The following MED25 variants were observed in gnomAD, a reference collection of about 807,000 sequenced individuals.
The protein encoded by MED25 is mediator of RNA polymerase II transcription subunit 25.
In MED25, 62 loss-of-function variants were observed where a neutral mutation model predicts 89.4. That is an observed-to-expected ratio of 0.69 (90% CI 0.57 to 0.86). The LOEUF (loss-of-function observed/expected upper bound fraction) is 0.86, where lower values mean the gene tolerates loss of function less well. Ranked by LOEUF, MED25 falls within the 40% of genes least tolerant of loss-of-function variation. The probability of loss-of-function intolerance (pLI) is 0.00; values close to 1 mark genes in which losing one functional copy is unlikely to be tolerated. For synonymous variants in MED25, 449 were observed against 427.9 expected (o/e 1.05, Z -0.61); for missense variants, 905 against 1,005.2 (o/e 0.90, Z 1.35).
intron 3 of MED25, among the ~76,000 whole-genome samples, chr19:49,820,145 C>A (rs965858223): frequency 1.3e-5 from 2 of 152,072 alleles, no homozygotes; most frequent in Non-Finnish European, 2.9e-5. Flanking sequence ...TTCAGGACGA[C>A]AGGAGAGAGC....
intron 3 of MED25, among the ~76,000 whole-genome samples, chr19:49,820,258 A>G (rs1360468723): frequency 6.6e-6 from 1 of 152,204 alleles, no homozygotes; most frequent in Non-Finnish European, 1.5e-5. Flanking sequence ...ACTTTTATAC[A>G]CACTTCACAA....
Position 49,830,846 on chromosome 19 carries a change from T to C in MED25, c.1060T>C (p.Ser354Pro), listed in dbSNP as rs2123880302. The C allele has an allele frequency of 2.5e-6, 4 of 1,612,142 alleles. No individual in the cohort carries two copies. Among genetic ancestry groups the C allele is most frequent in the Non-Finnish European group, 3.4e-6 (4 of 1,179,784 alleles). ...TCTGGTCTCCACTGTGGCCCCTGGC[T>C]CCGGCCTGGCTCCCACGGCACAGCC... ...PSLVSTVAPG[S>P]GLAPTAQPGA... Residue 354 changes from serine (S) to proline (P), a missense_variant, in exon 9 of 18, where the codon TCC becomes CCC. Physicochemically the swap from Ser to Pro is moderately conservative, Grantham distance 74 (BLOSUM62 -1). Coordinates refer to ENST00000312865, the MANE Select transcript of MED25 (RefSeq NM_030973.4). The surrounding 1 kb of genome is among the most constrained non-coding windows in gnomAD (Gnocchi z 4.6).
In MED25 at chr19:49,818,345, G is replaced by C. The variant is rs780512266; in HGVS notation, c.4G>C (p.Val2Leu). Reference protein sequence around the residue: MVPGSEGPARAG... With the variant: MLPGSEGPARAG... ...GGTGGCGGGTACCGCACGGGGTATG[G>C]TCCCCGGGTCCGAGGGCCCGGCCCG... The change falls in exon 1 of 18, where the codon GTC becomes CTC. Residue 2 changes from valine to leucine, a missense_variant. Coordinates refer to ENST00000312865, the MANE Select transcript of MED25 (RefSeq NM_030973.4). 3.1e-5 allele frequency: 49 copies of C among 1,588,624 alleles called. No homozygotes were observed. Among genetic ancestry groups the C allele is most frequent in the Middle Eastern group, 3.5e-4 (2 of 5,788 alleles).
rs79628633 is a variant in MED25, at chr19:49,834,765, C to T, written c.1483-221C>T. ...GAGCTGGGCTCCAGCACTTTCTCTC[C>T]GCTTTCCCTCTCAGTGGGCAGCTGG... On this transcript the variant is annotated intron_variant, in intron 13 of 17. Coordinates refer to ENST00000312865, the MANE Select transcript of MED25 (RefSeq NM_030973.4). This position sits in a 1 kb window ranked among gnomAD's most constrained non-coding sequence, Gnocchi z 4.1. 2,862 of 589,644 alleles carry T rather than the reference C, an allele frequency of 4.9e-3. 69 individuals carry two copies. The highest frequency in any genetic ancestry group is 0.048 in the African/African-American group (2,574 of 53,732). 36.5% of individuals were successfully genotyped at this position (589,644 alleles called of 1,614,324 possible).
Position 49,832,034 on chromosome 19 carries a change from CAG to C in MED25, c.1316+14_1316+15del, listed in dbSNP as rs1411648997. The C allele has an allele frequency of 8.1e-6, 13 of 1,613,458 alleles. No homozygotes were observed. The highest frequency in any genetic ancestry group is 1.3e-5 in the African/African-American group (1 of 74,866). On this transcript the variant is annotated intron_variant, in intron 11 of 17. Coordinates refer to ENST00000312865, the MANE Select transcript of MED25 (RefSeq NM_030973.4). The stretch of plus-strand genomic sequence containing the variant: ...ATGGCGAGAACCTGTAGGTGACAGT[CAG>C]GGGCGGGGTGTGGTGGGGCTGGGGC...
intron 3 of MED25, among the ~76,000 whole-genome samples, chr19:49,822,262 CAAAAAAAAAAAA>C (rs1220883878): frequency 1.0e-4 from 5 of 48,932 alleles, no homozygotes; most frequent in Admixed American, 4.7e-4. Flanking sequence ...GACTCTGTCT[CAAAAAAAAAAAA>C]AAAAAAAAAA....
At chr19:49,823,384 C>T (rs1273413988) in intron 3 of MED25, among the ~76,000 whole-genome samples, 1 of 152,114 alleles carries the variant, frequency 6.6e-6, no homozygotes, top group Non-Finnish European at 1.5e-5. Flanking sequence ...GGGCTGGGTA[C>T]CGCAACCTCA....
Position 49,835,138 on chromosome 19 carries a change from G to A in MED25, c.1635G>A (p.Lys545=). ...NGIRQVITNH[K]QVQQQKLEQQ... is the part of the protein sequence containing the mutation. Reference sequence around the variant, plus strand: ...TCCGGCAGGTCATCACCAACCACAAGCAGGTCCAGCAGCAGAAGCTGGAGC... The same window carrying A: ...TCCGGCAGGTCATCACCAACCACAAACAGGTCCAGCAGCAGAAGCTGGAGC... The change falls in exon 14 of 18, where the codon AAG becomes AAA. Residue 545 remains lysine (K), a synonymous_variant. Coordinates refer to ENST00000312865, the MANE Select transcript of MED25 (RefSeq NM_030973.4). This position sits in a 1 kb window ranked among gnomAD's most constrained non-coding sequence, Gnocchi z 6.2. The A allele has an allele frequency of 6.2e-7, 1 of 1,614,022 alleles. No homozygotes were observed. The highest frequency in any genetic ancestry group is 8.5e-7 in the Non-Finnish European group (1 of 1,179,996).
chr19:49,830,881 G>A lies in MED25; in HGVS notation c.1095G>A (p.Pro365=), dbSNP rs373128874. 1.3e-4 allele frequency: 208 copies of A among 1,606,048 alleles called. 1 individual carries two copies. Among genetic ancestry groups the A allele is most frequent in the East Asian group, 1.1e-4 (5 of 44,842 alleles). ...CTCCCACGGCACAGCCCGGGGCACC[G>A]TCCATGGTAGGTGCCTGCACGCCTC... ...GLAPTAQPGA[P]SMAGTVAPGG... The change falls in exon 9 of 18, where the codon CCG becomes CCA. Residue 365 remains proline (P), a synonymous_variant. Transcript: ENST00000312865. This position sits in a 1 kb window ranked among gnomAD's most constrained non-coding sequence, Gnocchi z 4.6.
chr19:49,824,587 GAA>G (rs71180656), intron 3 of MED25, among the ~76,000 whole-genome samples: 3 of 122,950 alleles, frequency 2.4e-5, no homozygotes, highest in East Asian at 2.3e-4. Flanking sequence ...CCTGTCTCGG[GAA>G]AAAAAAAAAA....
Position 49,831,815 on chromosome 19 carries a change from G to C in MED25, c.1231-121G>C. 1.1e-6 allele frequency: 1 copy of C among 913,692 alleles called. No individual in the cohort carries two copies. The allele number at this position is 913,692 out of a possible 1,614,324, so 56.6% of individuals were successfully genotyped here. On this transcript the variant is annotated intron_variant, in intron 10 of 17. Coordinates refer to ENST00000312865, the MANE Select transcript of MED25 (RefSeq NM_030973.4). This position sits in a 1 kb window ranked among gnomAD's most constrained non-coding sequence, Gnocchi z 5.0. Reference sequence around the variant, plus strand: ...TGCTGGTCTGGAGGAGGGGCCTGGGGCTCATGGGACTTAAACTGGGGAACA... The same window carrying C: ...TGCTGGTCTGGAGGAGGGGCCTGGGCCTCATGGGACTTAAACTGGGGAACA...
At chr19:49,827,839 GCATGGAGT>G (rs2074025518) in intron 3 of MED25, among the ~76,000 whole-genome samples, 1 of 152,148 alleles carries the variant, frequency 6.6e-6, no homozygotes, top group African/African-American at 2.4e-5. Context: ...AGGAGGCTGG[GCATGGAGT>G]CAGTCACTCC....
chr19:49,820,206 C>G (rs185557503), intron 3 of MED25, among the ~76,000 whole-genome samples: 1 of 152,130 alleles, frequency 6.6e-6, no homozygotes, highest in Non-Finnish European at 1.5e-5. Flanking sequence ...AGGCCCAAGC[C>G]GACTCACGTC....
intron 4 of MED25, 98 bp from the exon 5 acceptor site, chr19:49,828,872 G>A (rs192840292): frequency 7.4e-5 from 116 of 1,572,232 alleles, no homozygotes; most frequent in African/African-American, 1.4e-5. Context: ...CTGATTCCAT[G>A]TGAGGCGGAA....
chr19:49,834,411 C>T lies in MED25; in HGVS notation c.1483-575C>T, dbSNP rs1454344103. 1 of 169,832 alleles carries T rather than the reference C, an allele frequency of 5.9e-6. No homozygotes were observed. 10.5% of individuals were successfully genotyped at this position (169,832 alleles called of 1,614,324 possible). A position where few individuals can be genotyped will look rare whatever the true frequency, so the allele number is the denominator to read the frequency against. On this transcript the variant is annotated intron_variant, in intron 13 of 17. Coordinates refer to ENST00000312865, the MANE Select transcript of MED25 (RefSeq NM_030973.4). This position sits in a 1 kb window ranked among gnomAD's most constrained non-coding sequence, Gnocchi z 4.1. ...TGCCCTGAATGCTCCATGTGTTACCCCCCTGATGACCAGTGATGTTTCCTG... is the reference window on the plus strand; with the variant it reads ...TGCCCTGAATGCTCCATGTGTTACCTCCCTGATGACCAGTGATGTTTCCTG...
chr19:49,828,520 A>G lies in MED25; in HGVS notation c.377A>G (p.Asp126Gly). 6.2e-7 allele frequency: 1 copy of G among 1,614,036 alleles called. No individual in the cohort carries two copies. The highest frequency in any genetic ancestry group is 1.1e-5 in the South Asian group (1 of 91,086). The change falls in exon 4 of 18, where the codon GAT (aspartate) becomes GGT (glycine). Residue 126 changes from aspartate (D) to glycine (G), a missense_variant. Physicochemically the swap from Asp to Gly is moderately conservative, Grantham distance 94. Transcript: ENST00000312865. ...EGLSTALQLFDDFKKMREQIG... is the reference protein window; with the variant it reads ...EGLSTALQLFGDFKKMREQIG... ...CTCAGCACAGCCTTGCAGCTGTTTG[A>G]TGACTTCAAGAAGATGCGCGAGCAG...
At chr19:49,826,201 C>T (rs1001168847) in intron 3 of MED25, among the ~76,000 whole-genome samples, 2 of 152,112 alleles carry the variant, frequency 1.3e-5, no homozygotes, top group African/African-American at 4.8e-5. Flanking sequence ...ATTAGCCGGG[C>T]GTGGTGGCGG....
Position 49,835,173 on chromosome 19 carries a change from G to C in MED25, c.1670G>C (p.Arg557Pro). ...CAGCAGAAGCTGGAGCAGCAGCAGCGAGGAGTGAGTGTTGACAGTCCCCAA... is the reference window on the plus strand; with the variant it reads ...CAGCAGAAGCTGGAGCAGCAGCAGCCAGGAGTGAGTGTTGACAGTCCCCAA... Reference protein sequence around the residue: ...VQQQKLEQQQRGMGGQQAPPG... With the variant: ...VQQQKLEQQQPGMGGQQAPPG... Residue 557 changes from arginine to proline, a missense_variant, in exon 14 of 18, where the codon CGA becomes CCA. Arg to Pro is a moderately radical substitution (Grantham distance 103). Around this residue, in one of 3 missense-constraint regions of MED25, gnomAD observed 133 missense variants for 220.2 expected, o/e 0.60. Transcript: ENST00000312865. This position sits in a 1 kb window ranked among gnomAD's most constrained non-coding sequence, Gnocchi z 6.2. 1.2e-6 allele frequency: 2 copies of C among 1,613,908 alleles called. No homozygotes were observed.
At chr19:49,825,473 T>C (rs909141439) in intron 3 of MED25, among the ~76,000 whole-genome samples, 5 of 152,146 alleles carry the variant, frequency 3.3e-5, no homozygotes, top group Non-Finnish European at 7.4e-5. Context: ...CTTGAACTCC[T>C]GACCTCAAGT....
Sources: allele counts gnomAD v4.1 joint callset (sites outside exome capture counted in the v4.1 genomes callset), GRCh38; gene constraint gnomAD v4.1.1; regional missense constraint gnomAD v4.1.1; non-coding constraint Gnocchi (gnomAD v3.1); transcripts MANE v1.5; gene names NCBI Gene and HGNC (gene_info 2026-07-23, HGNC 2026-07-21).